The following BACH2 variants were observed in gnomAD, a reference collection of about 807,000 sequenced individuals.
BACH2 encodes the protein transcription regulator protein BACH2.
Under a neutral mutation model 61.8 loss-of-function variants are expected in BACH2, and 5 were observed. The observed-to-expected ratio is 0.08, with a 90% CI of 0.04 to 0.17. BACH2 has a LOEUF of 0.17. Among genes scored for constraint, BACH2 ranks in the 10% least tolerant of loss-of-function variants. The pLI, the probability that BACH2 is intolerant of heterozygous loss-of-function variation, is 1.00. For missense variants in BACH2, 824 were observed against 1,091.1 expected (o/e 0.76, Z 3.45); for synonymous variants, 446 against 440.1 (o/e 1.01, Z -0.17).
chr6:90,176,290 A>G (rs551108531), intron 4 of BACH2, among the ~76,000 whole-genome samples: 1 of 152,180 alleles, frequency 6.6e-6, no homozygotes, highest in Non-Finnish European at 1.5e-5. Context: ...TCTGGAGCTC[A>G]GGGCGAGCAG....
chr6:90,178,411 A>T lies in BACH2; in HGVS notation c.-162+28158T>A, dbSNP rs73752892. Among the ~76,000 whole-genome samples, 622 of 152,280 alleles carry T rather than the reference A, an allele frequency of 4.1e-3. 1 individual carries two copies. The highest frequency in any genetic ancestry group is 0.014 in the African/African-American group (590 of 41,572). On this transcript the variant is annotated intron_variant, in intron 4 of 8. Coordinates refer to ENST00000257749, the MANE Select transcript of BACH2 (RefSeq NM_021813.4). ...ACAAAAAGATTCTTAACATATTTGA[A>T]GGGAAAAAATCTGTTTGTTCCCAGA...
chr6:89,966,747 C>A (rs1584542431), intron 6 of BACH2, among the ~76,000 whole-genome samples: 1 of 152,342 alleles, frequency 6.6e-6, no homozygotes, highest in East Asian at 1.9e-4. Context: ...AAGCTTCCCC[C>A]AGGACACCAG....
At position 89,951,760 on chromosome 6, in the gene BACH2, G is replaced by A; in HGVS notation, c.346C>T (p.Leu116=). 1 of 1,614,266 alleles carries A rather than the reference G, an allele frequency of 6.2e-7. No individual in the cohort carries two copies. Among genetic ancestry groups the A allele is most frequent in the South Asian group, 1.1e-5 (1 of 91,088 alleles). The change falls in exon 7 of 9, where the codon CTG becomes TTG. Residue 116 remains leucine (L), a synonymous_variant. Transcript: ENST00000257749. The surrounding 1 kb of genome is among the most constrained non-coding windows in gnomAD (Gnocchi z 6.4). ...IREVIRCAEF[L]RMHNLEDSCF... is the part of the protein sequence containing the mutation. ...GAGTCCTCCAGGTTGTGCATGCGCA[G>A]GAACTCAGCACAGCGGATGACCTCG...
chr6:89,964,265 G>A (rs146669702), intron 6 of BACH2, among the ~76,000 whole-genome samples: 1,313 of 105,146 alleles, frequency 0.012, 10 homozygotes, highest in Non-Finnish European at 0.018. Flanking sequence ...GTGGAATGGC[G>A]TTTATCAGGG....
At chr6:90,243,500 A>G (rs1424630084) in intron 3 of BACH2, among the ~76,000 whole-genome samples, 4 of 152,142 alleles carry the variant, frequency 2.6e-5, no homozygotes, top group African/African-American at 9.7e-5. Context: ...TTTTGCCTTT[A>G]GATCACAAAA....
At chr6:89,935,636 A>G (rs1193622460) in intron 8 of BACH2, among the ~76,000 whole-genome samples, 1 of 152,242 alleles carries the variant, frequency 6.6e-6, no homozygotes, top group African/African-American at 2.4e-5. Flanking sequence ...TGGTTGGAGA[A>G]CTAGATGATG....
rs144637668 is a variant in BACH2 at position 89,951,654 on chromosome 6, C to G, written c.452G>C (p.Arg151Pro). The change falls in exon 7 of 9, where the codon CGC becomes CCC. Residue 151 changes from arginine to proline, a missense_variant. This residue lies in a region of BACH2 where 107 missense variants were observed against 121.7 expected (regional missense o/e 0.88). Coordinates refer to ENST00000257749, the MANE Select transcript of BACH2 (RefSeq NM_021813.4). The surrounding 1 kb of genome is among the most constrained non-coding windows in gnomAD (Gnocchi z 6.4). ...AGAGTTCTCGCAGTCCTCGTGTGGG[C>G]GCTGGCACGCAGCATCCTTCCGGCA... ...FVCRKDAACQ[R>P]PHEDCENSAG... 447 of 1,614,212 alleles carry G rather than the reference C, an allele frequency of 2.8e-4. 1 individual carries two copies. In the African/African-American group the frequency reaches 5.4e-3, roughly 19 times the overall value.
At chr6:90,028,878 A>G (rs1045176343) in intron 5 of BACH2, among the ~76,000 whole-genome samples, 30 of 152,240 alleles carry the variant, frequency 2.0e-4, no homozygotes, top group African/African-American at 7.2e-4. Context: ...ATCTGTACTA[A>G]AAGTACCTGA....
Position 89,951,758 on chromosome 6 carries a change from C to T in BACH2, c.348G>A (p.Leu116=). The change falls in exon 7 of 9, where the codon CTG becomes CTA. Residue 116 remains leucine, a synonymous_variant. Coordinates refer to ENST00000257749, the MANE Select transcript of BACH2 (RefSeq NM_021813.4). This position sits in a 1 kb window ranked among gnomAD's most constrained non-coding sequence, Gnocchi z 6.4. ...IREVIRCAEF[L]RMHNLEDSCF... is the part of the protein sequence containing the mutation. ...AGGAGTCCTCCAGGTTGTGCATGCG[C>T]AGGAACTCAGCACAGCGGATGACCT... The T allele has an allele frequency of 1.2e-6, 2 of 1,614,244 alleles. No homozygotes were observed. The highest frequency in any genetic ancestry group is 8.5e-7 in the Non-Finnish European group (1 of 1,180,040).
intron 5 of BACH2, among the ~76,000 whole-genome samples, chr6:90,081,690 A>G (rs1781727382): frequency 6.6e-6 from 1 of 152,100 alleles, no homozygotes; most frequent in South Asian, 2.1e-4. Flanking sequence ...TGTCAAAGAC[A>G]GACTTTTTCT....
intron 4 of BACH2, among the ~76,000 whole-genome samples, chr6:90,158,001 G>A (rs907812122): frequency 3.3e-5 from 5 of 152,120 alleles, no homozygotes; most frequent in East Asian, 1.9e-4. Context: ...TCATGAGAGC[G>A]TTAACTGAGG....
Position 90,205,583 on chromosome 6 carries a change from G to A in BACH2, c.-162+986C>T, listed in dbSNP as rs562996621. Among the ~76,000 whole-genome samples the A allele has an allele frequency of 7.2e-4, 109 of 152,338 alleles. No homozygotes were observed. In the Middle Eastern group the frequency reaches 0.01, roughly 14 times the overall value. On this transcript the variant is annotated intron_variant, in intron 4 of 8. Coordinates refer to ENST00000257749, the MANE Select transcript of BACH2 (RefSeq NM_021813.4). ...GAATTACCTGGTCCAAATACCAAGT[G>A]TCAAGGCTGAGAATCCCTGCTCCAG... is the stretch of plus-strand genomic sequence containing the variant.
At chr6:90,198,634 A>G (rs1213094385) in intron 4 of BACH2, among the ~76,000 whole-genome samples, 1 of 152,196 alleles carries the variant, frequency 6.6e-6, no homozygotes, top group Non-Finnish European at 1.5e-5. Flanking sequence ...ACTCAAGACA[A>G]GGCATTGCCA....
chr6:89,965,102 G>A (rs991345553), intron 6 of BACH2, among the ~76,000 whole-genome samples: 2 of 152,162 alleles, frequency 1.3e-5, no homozygotes, highest in African/African-American at 4.8e-5. Flanking sequence ...GGTCAGGCTA[G>A]TCTCGAACTC....
Position 89,964,988 on chromosome 6 carries a change from G to A in BACH2, c.244-13126C>T, listed in dbSNP as rs928011163. ...GCAGCCTCCGCCTCCAGGTTCAAGCGATTCTCGTGCCTCAACCTCCCAAGT... is the reference window on the plus strand; with the variant it reads ...GCAGCCTCCGCCTCCAGGTTCAAGCAATTCTCGTGCCTCAACCTCCCAAGT... On this transcript the variant is annotated intron_variant, in intron 6 of 8. Transcript: ENST00000257749. Among the ~76,000 whole-genome samples the A allele has an allele frequency of 2.0e-5, 3 of 152,224 alleles. No homozygotes were observed. The East Asian group carries it at 5.8e-4, about 29-fold the overall frequency.
At chr6:90,218,363 A>G (rs1769611807) in intron 3 of BACH2, 1 of 152,066 alleles carries the variant, frequency 6.6e-6, no homozygotes, top group African/African-American at 2.4e-5. Flanking sequence ...ACTAGACATT[A>G]CCTTATACAC....
At chr6:90,174,645 T>C (rs954586568) in intron 4 of BACH2, among the ~76,000 whole-genome samples, 6 of 152,030 alleles carry the variant, frequency 3.9e-5, no homozygotes, top group African/African-American at 1.2e-4. Context: ...AAGGTTTCCA[T>C]ATACATGATA....
rs187380989 is a variant in BACH2, at chr6:90,130,967, T to C, written c.-161-41858A>G. Among the ~76,000 whole-genome samples the C allele has an allele frequency of 2.0e-3, 298 of 152,334 alleles. 3 individuals are homozygous for C. The South Asian group carries it at 0.03, about 15-fold the overall frequency. Reference sequence around the variant, plus strand: ...AATAAGGTAATACACATGCAAAATGTTTTGGGAAGCATAAACTCTTAGATG... The same window carrying C: ...AATAAGGTAATACACATGCAAAATGCTTTGGGAAGCATAAACTCTTAGATG... On this transcript the variant is annotated intron_variant, in intron 4 of 8. Coordinates refer to ENST00000257749, the MANE Select transcript of BACH2 (RefSeq NM_021813.4).
intron 6 of BACH2, among the ~76,000 whole-genome samples, chr6:89,987,024 C>T (rs577927173): frequency 5.3e-5 from 8 of 152,234 alleles, no homozygotes; most frequent in South Asian, 4.2e-4. Context: ...CCCAGCCTTC[C>T]GTCGCCTACT....
Sources: gnomAD v4.1 joint callset for allele counts (sites outside exome capture counted in the v4.1 genomes callset) on GRCh38, gnomAD v4.1.1 for gene constraint, gnomAD v4.1.1 regional missense constraint, Gnocchi (gnomAD v3.1) non-coding constraint, MANE v1.5 for transcripts, NCBI Gene and HGNC (gene_info 2026-07-23, HGNC 2026-07-21) for gene names.